Variants in MAPK10 observed in about 807,000 individuals in gnomAD.
The protein encoded by MAPK10 is JNK3 alpha protein kinase.
In MAPK10, 25 loss-of-function variants were observed where a neutral mutation model predicts 59.3. That is an observed-to-expected ratio of 0.42 (90% CI 0.31 to 0.59). The LOEUF is 0.59. MAPK10 is among the 20% of genes least tolerant of loss of function. MAPK10 has a pLI of 0.15. For missense variants in MAPK10, 351 were observed against 568.9 expected (o/e 0.62, Z 3.90); for synonymous variants, 190 against 200.5 (o/e 0.95, Z 0.44).
At chr4:86,477,158 A>G (rs1362634642) in intron 1 of MAPK10, among the ~76,000 whole-genome samples, 3 of 151,828 alleles carry the variant, frequency 2.0e-5, no homozygotes, top group African/African-American at 4.8e-5. Flanking sequence ...CTTCTTAATC[A>G]ATACAGAGGC....
At position 86,101,137 on chromosome 4, in the gene MAPK10, G is replaced by A. The variant is rs751014765; in HGVS notation, c.645C>T (p.Gly215=). ...ILDFGLARTA[G]TSFMMTPYVV... Reference sequence around the variant, plus strand: ...CATATGGAGTCATCATGAAGCTTGTGCCTGCTGTCCTGGCCAGTCCAAAGT... The same window carrying A: ...CATATGGAGTCATCATGAAGCTTGTACCTGCTGTCCTGGCCAGTCCAAAGT... The change falls in exon 8 of 14, where the codon GGC becomes GGT. Residue 215 remains glycine, a synonymous_variant. Coordinates refer to ENST00000641462, the MANE Select transcript of MAPK10 (RefSeq NM_138982.4). The A allele has an allele frequency of 6.2e-7, 1 of 1,613,852 alleles. No homozygotes were observed. Among genetic ancestry groups the A allele is most frequent in the South Asian group, 1.1e-5 (1 of 91,070 alleles).
chr4:86,269,071 G>A (rs2094348506), intron 2 of MAPK10, among the ~76,000 whole-genome samples: 1 of 151,876 alleles, frequency 6.6e-6, no homozygotes, highest in African/African-American at 2.4e-5. Flanking sequence ...CACCTTTCTG[G>A]GCTCAAAATA....
chr4:86,280,430 A>C (rs1414900655), intron 2 of MAPK10, among the ~76,000 whole-genome samples: 1 of 152,194 alleles, frequency 6.6e-6, no homozygotes, highest in African/African-American at 2.4e-5. Flanking sequence ...CAGAATAGCC[A>C]TTATTAAAAA....
At chr4:86,569,462 G>C (rs532883310) in intron 1 of MAPK10, among the ~76,000 whole-genome samples, 1 of 152,104 alleles carries the variant, frequency 6.6e-6, no homozygotes, top group East Asian at 1.9e-4. Context: ...TCTACCCAAA[G>C]AAAATTAAAT....
At chr4:86,119,270 C>T (rs937994879) in intron 4 of MAPK10, among the ~76,000 whole-genome samples, 2 of 152,210 alleles carry the variant, frequency 1.3e-5, no homozygotes, top group South Asian at 4.2e-4. Context: ...CTTTTGCCTT[C>T]GATTTTCTGC....
At position 86,017,172 on chromosome 4, in the gene MAPK10, T is replaced by G; in HGVS notation, c.*56A>C. On this transcript the variant is annotated 3_prime_UTR_variant, in exon 14 of 14. Transcript: ENST00000641462. This position sits in a 1 kb window ranked among gnomAD's most constrained non-coding sequence, Gnocchi z 4.4. ...GTGTGTGTGTGTGTCTGCGTGTGTG[T>G]GTGTTCCATCACATCATCTCCTGAA... 1 of 1,584,524 alleles carries G rather than the reference T, an allele frequency of 6.3e-7. No homozygotes were observed. The highest frequency in any genetic ancestry group is 8.6e-7 in the Non-Finnish European group (1 of 1,161,128).
At chr4:86,548,935 A>C (rs1238527808) in intron 1 of MAPK10, among the ~76,000 whole-genome samples, 1 of 152,122 alleles carries the variant, frequency 6.6e-6, no homozygotes, top group Non-Finnish European at 1.5e-5. Flanking sequence ...GTAAGGCCCG[A>C]CTAAATATAC....
At chr4:86,333,926 T>A (rs1320997494) in intron 2 of MAPK10, among the ~76,000 whole-genome samples, 1 of 152,170 alleles carries the variant, frequency 6.6e-6, no homozygotes, top group Non-Finnish European at 1.5e-5. Context: ...ATTATGCTCC[T>A]TCTCTGGTCA....
chr4:86,168,237 C>T (rs909393731), intron 3 of MAPK10, among the ~76,000 whole-genome samples: 3 of 152,142 alleles, frequency 2.0e-5, no homozygotes, highest in Admixed American at 6.5e-5. Flanking sequence ...ACGCACCGTG[C>T]ACCAGCCGAA....
At chr4:86,151,268 A>G (rs2066407030) in intron 4 of MAPK10, among the ~76,000 whole-genome samples, 1 of 152,194 alleles carries the variant, frequency 6.6e-6, no homozygotes, top group Admixed American at 6.5e-5. Flanking sequence ...AGTAGGAGGT[A>G]AGACCTTCTG....
intron 1 of MAPK10, among the ~76,000 whole-genome samples, chr4:86,591,499 G>A (rs2149117586): frequency 6.6e-6 from 1 of 152,134 alleles, no homozygotes; most frequent in South Asian, 2.1e-4. Flanking sequence ...TCAGCCTCCA[G>A]AGTACCTGGG....
chr4:86,301,830 C>A (rs2095477937), intron 2 of MAPK10, among the ~76,000 whole-genome samples: 1 of 152,080 alleles, frequency 6.6e-6, no homozygotes, highest in Non-Finnish European at 1.5e-5. Context: ...GTTCTCCACA[C>A]TGAGAACCAC....
At chr4:86,306,489 T>C (rs1243092412) in intron 2 of MAPK10, among the ~76,000 whole-genome samples, 2 of 152,224 alleles carry the variant, frequency 1.3e-5, no homozygotes, top group Non-Finnish European at 2.9e-5. Flanking sequence ...ACAACTGCAC[T>C]AATGTGTTCA....
chr4:86,241,166 C>A (rs1218608969), intron 2 of MAPK10, among the ~76,000 whole-genome samples: 1 of 152,170 alleles, frequency 6.6e-6, no homozygotes, highest in African/African-American at 2.4e-5. Flanking sequence ...TATTGGCCCC[C>A]AATATCTTCT....
intron 11 of MAPK10, among the ~76,000 whole-genome samples, chr4:86,035,412 G>A (rs953214029): frequency 1.4e-5 from 2 of 142,322 alleles, no homozygotes; most frequent in Non-Finnish European, 3.0e-5. Context: ...AGGGTATCAT[G>A]ATACGGAAGA....
chr4:86,024,115 T>G (rs938069253), intron 13 of MAPK10: 1 of 152,040 alleles, frequency 6.6e-6, no homozygotes, highest in African/African-American at 2.4e-5. Context: ...AGACACATTC[T>G]TATTGTCACA....
intron 1 of MAPK10, chr4:86,452,931 A>G (rs1024527005): frequency 3.3e-5 from 5 of 152,336 alleles, no homozygotes; most frequent in African/African-American, 1.2e-4. Context: ...ACGAGCGCCC[A>G]AACTGTGGAA....
At chr4:86,528,902 G>C (rs2149090516) in intron 1 of MAPK10, among the ~76,000 whole-genome samples, 1 of 152,250 alleles carries the variant, frequency 6.6e-6, no homozygotes, top group South Asian at 2.1e-4. Flanking sequence ...AACTCTACAT[G>C]TCCCATTACC....
intron 2 of MAPK10, among the ~76,000 whole-genome samples, chr4:86,242,659 G>A (rs958625191): frequency 9.2e-5 from 14 of 152,190 alleles, no homozygotes; most frequent in Admixed American, 9.2e-4. Flanking sequence ...TGGGCTGTGG[G>A]GACAAGTCTT....
Sources: allele counts gnomAD v4.1 joint callset (sites outside exome capture counted in the v4.1 genomes callset), GRCh38; gene constraint gnomAD v4.1.1; non-coding constraint Gnocchi (gnomAD v3.1); transcripts MANE v1.5; gene names NCBI Gene and HGNC (gene_info 2026-07-23, HGNC 2026-07-21).